Variants in ADAMTSL1 observed in about 807,000 individuals in gnomAD.
ADAMTSL1 encodes ADAMTS like 1.
ADAMTSL1 carries 126 observed loss-of-function variants against 201.8 expected under a neutral mutation model. The ratio of observed to expected loss-of-function variants is 0.62; its 90% CI spans 0.54 to 0.72. The LOEUF (loss-of-function observed/expected upper bound fraction) is 0.72, where lower values mean the gene tolerates loss of function less well. ADAMTSL1 is among the 30% of genes least tolerant of loss of function. The probability of loss-of-function intolerance (pLI) is 0.00; values close to 1 mark genes in which losing one functional copy is unlikely to be tolerated. For synonymous variants in ADAMTSL1, 1,121 were observed against 903.4 expected, an observed-to-expected ratio of 1.24 and a Z score of -4.32; for missense variants, 2,679 against 2,277.8, an observed-to-expected ratio of 1.18 and a Z score of -3.59.
intron 1 of ADAMTSL1, among the ~76,000 whole-genome samples, chr9:17,927,408 GTA>G (rs922759791): frequency 2.3e-4 from 34 of 150,886 alleles, no homozygotes; most frequent in African/African-American, 7.3e-4. Context: ...ATATACATAT[GTA>G]TGTGTATATA....
intron 3 of ADAMTSL1, among the ~76,000 whole-genome samples, chr9:18,546,945 T>C (rs1820505129): frequency 1.3e-5 from 2 of 152,170 alleles, no homozygotes; most frequent in Admixed American, 6.6e-5. Flanking sequence ...TGCTTTATGA[T>C]ATCTCATAAG....
intron 1 of ADAMTSL1, among the ~76,000 whole-genome samples, chr9:18,108,867 G>A (rs1001445472): frequency 6.6e-6 from 1 of 151,998 alleles, no homozygotes; most frequent in Admixed American, 6.6e-5. Flanking sequence ...AATACATGTC[G>A]TAGTTGAAAT....
At chr9:17,938,028 T>G (rs940109759) in intron 1 of ADAMTSL1, among the ~76,000 whole-genome samples, 5 of 152,080 alleles carry the variant, frequency 3.3e-5, no homozygotes, top group Admixed American at 2.0e-4. Flanking sequence ...ACAGATGGAT[T>G]TTTTTCCCCC....
chr9:18,077,994 C>T (rs780481591), intron 1 of ADAMTSL1, among the ~76,000 whole-genome samples: 5 of 152,102 alleles, frequency 3.3e-5, no homozygotes, highest in African/African-American at 4.8e-5. Context: ...TGTCACCTAA[C>T]AAGGACAGGG....
intron 2 of ADAMTSL1, among the ~76,000 whole-genome samples, chr9:18,253,602 T>A (rs974764733): frequency 6.6e-6 from 1 of 152,174 alleles, no homozygotes; most frequent in Admixed American, 6.5e-5. Flanking sequence ...TGTATATCTC[T>A]CACTGCTCTG....
At chr9:18,435,216 G>T (rs916717104) in intron 2 of ADAMTSL1, among the ~76,000 whole-genome samples, 2 of 152,138 alleles carry the variant, frequency 1.3e-5, no homozygotes, top group African/African-American at 4.8e-5. Flanking sequence ...ACTTATATTA[G>T]ATACTTTAGG....
intron 2 of ADAMTSL1, among the ~76,000 whole-genome samples, chr9:18,414,296 A>G (rs958872744): frequency 1.3e-5 from 2 of 152,350 alleles, no homozygotes; most frequent in East Asian, 1.9e-4. Flanking sequence ...AATTGATTCT[A>G]AAGAGTTTAC....
At position 18,657,544 on chromosome 9, in the gene ADAMTSL1, C is replaced by G. The variant is rs1007352258; in HGVS notation, c.835-95C>G. 4.6e-6 allele frequency: 4 copies of G among 865,220 alleles called. No individual in the cohort carries two copies. In the African/African-American group the frequency reaches 6.6e-5, roughly 14 times the overall value. 53.6% of individuals were successfully genotyped at this position (865,220 alleles called of 1,614,324 possible). Reference sequence around the variant, plus strand: ...GTGCAGTCCCTCACACAGCCTAAAACCATCAGCACTACCATATACTCTTGT... The same window carrying G: ...GTGCAGTCCCTCACACAGCCTAAAAGCATCAGCACTACCATATACTCTTGT... On this transcript the variant is annotated intron_variant, in intron 7 of 28. Coordinates refer to ENST00000380548, the MANE Select transcript of ADAMTSL1 (RefSeq NM_001040272.6).
intron 2 of ADAMTSL1, among the ~76,000 whole-genome samples, chr9:18,331,701 C>T (rs1015373436): frequency 6.6e-6 from 1 of 152,200 alleles, no homozygotes; most frequent in Non-Finnish European, 1.5e-5. Flanking sequence ...CCTATTGCCA[C>T]CTTTCCTTTC....
intron 2 of ADAMTSL1, among the ~76,000 whole-genome samples, chr9:18,288,261 C>G (rs772888167): frequency 5.3e-5 from 8 of 152,086 alleles, no homozygotes; most frequent in Non-Finnish European, 1.0e-4. Context: ...AATCCCAGGT[C>G]AATGTCTCCG....
chr9:18,051,207 G>A (rs567104450), intron 1 of ADAMTSL1, among the ~76,000 whole-genome samples: 161 of 152,230 alleles, frequency 1.1e-3, no homozygotes, highest in Non-Finnish European at 1.1e-3. Context: ...AGGCTGAGGC[G>A]GGAGAATGGC....
intron 23 of ADAMTSL1, among the ~76,000 whole-genome samples, chr9:18,843,178 G>A (rs1047219310): frequency 6.6e-6 from 1 of 150,854 alleles, no homozygotes; most frequent in Non-Finnish European, 1.5e-5. Context: ...GGTACCGGTT[G>A]TTCCTTTCCA....
intron 2 of ADAMTSL1, among the ~76,000 whole-genome samples, chr9:18,413,940 T>C (rs1423843020): frequency 6.6e-6 from 1 of 152,240 alleles, no homozygotes; most frequent in African/African-American, 2.4e-5. Flanking sequence ...TGCACAATTC[T>C]GTCTGAACTA....
chr9:18,813,566 G>C (rs1156552415), intron 20 of ADAMTSL1, among the ~76,000 whole-genome samples: 1 of 151,924 alleles, frequency 6.6e-6, no homozygotes, highest in African/African-American at 2.4e-5. Context: ...GTTCCTAAGG[G>C]GTTTTTTGTA....
intron 2 of ADAMTSL1, among the ~76,000 whole-genome samples, chr9:18,424,234 G>A (rs2133373930): frequency 6.6e-6 from 1 of 152,288 alleles, no homozygotes; most frequent in African/African-American, 2.4e-5. Context: ...GACCCTCTCA[G>A]CCAATAAAGT....
chr9:18,523,059 A>G (rs986750345), intron 2 of ADAMTSL1, among the ~76,000 whole-genome samples: 1 of 152,158 alleles, frequency 6.6e-6, no homozygotes, highest in Non-Finnish European at 1.5e-5. Flanking sequence ...TCCCACCAAT[A>G]GTGTAAAAGT....
chr9:18,563,020 A>G (rs1472745791), intron 3 of ADAMTSL1, among the ~76,000 whole-genome samples: 1 of 152,188 alleles, frequency 6.6e-6, no homozygotes, highest in Non-Finnish European at 1.5e-5. Flanking sequence ...ACTTCTGTCA[A>G]TACATCAAAC....
At chr9:18,703,697 CATACATATAT>C (rs1189009648) in intron 13 of ADAMTSL1, among the ~76,000 whole-genome samples, 1 of 31,018 alleles carries the variant, frequency 3.2e-5, no homozygotes. Flanking sequence ...TGCATGCGCA[CATACATATAT>C]ATATATATAT....
At chr9:17,988,223 G>T (rs1332023758) in intron 1 of ADAMTSL1, among the ~76,000 whole-genome samples, 2 of 152,042 alleles carry the variant, frequency 1.3e-5, no homozygotes, top group African/African-American at 2.4e-5. Context: ...GGTGAAATAA[G>T]AAATATTGAC....
Sources: gnomAD v4.1 joint callset for allele counts (sites outside exome capture counted in the v4.1 genomes callset) on GRCh38, gnomAD v4.1.1 for gene constraint, MANE v1.5 for transcripts, NCBI Gene and HGNC (gene_info 2026-07-23, HGNC 2026-07-21) for gene names.